The following RBBP4 variants were observed in gnomAD, a reference collection of about 807,000 sequenced individuals.
RBBP4 encodes the protein RB binding protein 4, chromatin remodeling factor.
RBBP4 carries 3 observed loss-of-function variants against 57.2 expected under a neutral mutation model. That is an observed-to-expected ratio of 0.05 (90% confidence interval 0.02 to 0.14). The LOEUF is 0.14. Among genes scored for constraint, RBBP4 ranks in the 10% least tolerant of loss-of-function variants. RBBP4 has a pLI of 1.00. For synonymous variants in RBBP4, 151 were observed against 171.5 expected, an observed-to-expected ratio of 0.88 and a Z score of 0.93; for missense variants, 107 against 520.6, an observed-to-expected ratio of 0.21 and a Z score of 7.73.
intron 11 of RBBP4, among the ~76,000 whole-genome samples, chr1:32,673,149 C>T (rs1648945024): frequency 6.6e-6 from 1 of 152,116 alleles, no homozygotes; most frequent in Non-Finnish European, 1.5e-5. Flanking sequence ...CCCTCTCCTC[C>T]TTCTTTCTTT....
chr1:32,651,509 G>T (rs901184684), intron 1 of RBBP4, 187 bp downstream of exon 1: 2 of 1,338,962 alleles, frequency 1.5e-6, no homozygotes, highest in African/African-American at 1.5e-5. Context: ...GATTTCGGTC[G>T]CAGCTGGCGA....
chr1:32,651,625 G>A, intron 1 of RBBP4: 1 of 818,202 alleles, frequency 1.2e-6, no homozygotes, highest in Non-Finnish European at 1.8e-6. Context: ...TACCCACAAG[G>A]CTCGGAGCTC....
rs1649316180 is a variant in RBBP4 at position 32,679,924 on chromosome 1, A to T, written c.*219A>T. On this transcript the variant is annotated 3_prime_UTR_variant, in exon 12 of 12. Coordinates refer to ENST00000373493, the MANE Select transcript of RBBP4 (RefSeq NM_005610.3). ...ACTTAACGTTGAAATTTTCTTCAGGAATTTTCTAGTAACCCAGGTCTAAAG... is the reference window on the plus strand; with the variant it reads ...ACTTAACGTTGAAATTTTCTTCAGGTATTTTCTAGTAACCCAGGTCTAAAG... 2.3e-6 allele frequency: 3 copies of T among 1,293,612 alleles called. No homozygotes were observed. Among genetic ancestry groups the T allele is most frequent in the Non-Finnish European group, 2.9e-6 (3 of 1,023,960 alleles). 80.1% of individuals were successfully genotyped at this position (1,293,612 alleles called of 1,614,324 possible). A position where few individuals can be genotyped will look rare whatever the true frequency, so the allele number is the denominator to read the frequency against.
chr1:32,655,475 C>T (rs1424605772), intron 2 of RBBP4, among the ~76,000 whole-genome samples: 2 of 152,206 alleles, frequency 1.3e-5, no homozygotes, highest in Non-Finnish European at 2.9e-5. Context: ...CTTCTACATA[C>T]AGGTAATTCC....
chr1:32,680,358 T>TGG lies in RBBP4; in HGVS notation c.*653_*654insGG. 8.3e-6 allele frequency: 1 copy of TGG among 120,822 alleles called. No homozygotes were observed. Among genetic ancestry groups the TGG allele is most frequent in the African/African-American group, 4.6e-5 (1 of 21,778 alleles). The allele number at this position is 120,822 out of a possible 1,614,324, so 7.5% of individuals were successfully genotyped here. ...ATGGTGTTTTTTTTTTTGTTGTTGG[T>TGG]TTTTTTTTTTTTTTTTTTAACTTGG... On this transcript the variant is annotated 3_prime_UTR_variant, in exon 12 of 12. Transcript: ENST00000373493.
chr1:32,684,246 G>A lies in RBBP4; in HGVS notation c.*4541G>A. 1 of 1,614,120 alleles carries A rather than the reference G, an allele frequency of 6.2e-7. No individual in the cohort carries two copies. The highest frequency in any genetic ancestry group is 1.1e-5 in the South Asian group (1 of 91,084). On this transcript the variant is annotated 3_prime_UTR_variant, in exon 12 of 12. Transcript: ENST00000373493. ...AGTATTAGATGAGATTTGTATAGCA[G>A]CAGAAACTGACTTATAAGTAGAGAG...
intron 2 of RBBP4, among the ~76,000 whole-genome samples, chr1:32,654,305 G>A (rs1218014930): frequency 6.6e-6 from 1 of 152,136 alleles, no homozygotes; most frequent in Non-Finnish European, 1.5e-5. Context: ...TGAGCCTTGG[G>A]AGGTCAAGGC....
In RBBP4 at chr1:32,681,809, GT is replaced by G; in HGVS notation, c.*2110del. The G allele has an allele frequency of 6.2e-7, 1 of 1,614,118 alleles. No individual in the cohort carries two copies. The highest frequency in any genetic ancestry group is 8.5e-7 in the Non-Finnish European group (1 of 1,180,014). On this transcript the variant is annotated 3_prime_UTR_variant, in exon 12 of 12. Transcript: ENST00000373493. Reference sequence around the variant, plus strand: ...GTACTTAGTGATCCTTTGCTAAGAAGTTTTTTGCTGTTTCCGGGTTACAGAT... The same window carrying G: ...GTACTTAGTGATCCTTTGCTAAGAAGTTTTTGCTGTTTCCGGGTTACAGAT...
At position 32,652,050 on chromosome 1, in the gene RBBP4, A is replaced by G. The variant is rs1264685307; in HGVS notation, c.153A>G (p.Pro51=). 1.9e-6 allele frequency: 3 copies of G among 1,613,450 alleles called. No homozygotes were observed. The highest frequency in any genetic ancestry group is 2.2e-5 in the South Asian group (2 of 91,038). Residue 51 remains proline (P), a synonymous_variant, in exon 2 of 12, where the codon CCA becomes CCG. Transcript: ENST00000373493. ...EWPSLTAQWL[P]DVTRPEGKDF... Reference sequence around the variant, plus strand: ...CCAGCCTAACTGCCCAGTGGCTTCCAGATGTAACCAGGTGACATGACTCTC... The same window carrying G: ...CCAGCCTAACTGCCCAGTGGCTTCCGGATGTAACCAGGTGACATGACTCTC...
chr1:32,655,024 T>C (rs630546), intron 2 of RBBP4, among the ~76,000 whole-genome samples: 148,068 of 152,136 alleles, frequency 0.97, 72,183 homozygotes, highest in East Asian at 1. Flanking sequence ...GGATCTTGCT[T>C]TGTTGCCCAG....
intron 11 of RBBP4, among the ~76,000 whole-genome samples, chr1:32,676,635 GA>G (rs375693965): frequency 1.7e-4 from 1 of 5,728 alleles, no homozygotes. Flanking sequence ...AAAAGAAAAA[GA>G]AAAGCTGTTT....
At chr1:32,678,456 A>G (rs1488324891) in intron 11 of RBBP4, among the ~76,000 whole-genome samples, 2 of 150,326 alleles carry the variant, frequency 1.3e-5, no homozygotes, top group African/African-American at 4.9e-5. Flanking sequence ...CGAACTCCTG[A>G]CCTCAGGTGA....
At chr1:32,662,644 G>A (rs1379962399) in intron 3 of RBBP4, among the ~76,000 whole-genome samples, 1 of 152,030 alleles carries the variant, frequency 6.6e-6, no homozygotes, top group Non-Finnish European at 1.5e-5. Context: ...AAAGTGCTGG[G>A]ATTATAGGCG....
chr1:32,661,301 C>CTTTT lies in RBBP4; in HGVS notation c.310+3729_310+3730insTTTT, dbSNP rs370489912. ...TTGAATGGTAGTTCTATTTTTAGTT[C>CTTTT]CTTTTTTTTTTTTTTTGAGATGGAG... On this transcript the variant is annotated intron_variant, in intron 3 of 11. Coordinates refer to ENST00000373493, the MANE Select transcript of RBBP4 (RefSeq NM_005610.3). Among the ~76,000 whole-genome samples, 116 of 132,094 alleles carry CTTTT rather than the reference C, an allele frequency of 8.8e-4. 28 individuals are homozygous for CTTTT. The highest frequency in any genetic ancestry group is 1.1e-3 in the Non-Finnish European group (71 of 64,944). The allele number at this position is 132,094 out of a possible 152,430, so 86.7% of individuals were successfully genotyped here.
intron 11 of RBBP4, among the ~76,000 whole-genome samples, chr1:32,674,407 A>G (rs1216415124): frequency 1.3e-5 from 2 of 151,914 alleles, no homozygotes; most frequent in Non-Finnish European, 2.9e-5. Context: ...TTAATTTTTA[A>G]AATTTTTTGT....
intron 11 of RBBP4, among the ~76,000 whole-genome samples, chr1:32,678,817 T>C (rs1649243590): frequency 1.3e-5 from 2 of 151,228 alleles, no homozygotes; most frequent in African/African-American, 4.9e-5. Context: ...CTCAAACTCA[T>C]GACCTCAAGT....
Position 32,679,666 on chromosome 1 carries a change from C to T in RBBP4, c.1239C>T (p.Asp413=), listed in dbSNP as rs1422892280. 2 of 1,601,216 alleles carry T rather than the reference C, an allele frequency of 1.2e-6. No homozygotes were observed. Among genetic ancestry groups the T allele is most frequent in the Non-Finnish European group, 1.7e-6 (2 of 1,175,950 alleles). Residue 413 remains aspartate, a synonymous_variant, in exon 12 of 12, where the codon GAC becomes GAT. Transcript: ENST00000373493. ...QMAENIYNDE[D]PEGSVDPEGQ... ...CAGAGAACATTTATAATGATGAAGA[C>T]CCTGAAGGAAGCGTGGATCCAGAAG... is the stretch of plus-strand genomic sequence containing the variant.
In RBBP4 at chr1:32,686,152, T is replaced by C. The variant is rs1649816620; in HGVS notation, c.*6447T>C. The C allele has an allele frequency of 1.3e-5, 2 of 152,212 alleles. No individual in the cohort carries two copies. The highest frequency in any genetic ancestry group is 4.8e-5 in the African/African-American group (2 of 41,450). The allele number at this position is 152,212 out of a possible 1,614,324, so 9.4% of individuals were successfully genotyped here. A position where few individuals can be genotyped will look rare whatever the true frequency, so the allele number is the denominator to read the frequency against. Reference sequence around the variant, plus strand: ...AAAATGTAAAATATGTCAAAAATATTTGATACTGATTACATGTTGAAATAT... The same window carrying C: ...AAAATGTAAAATATGTCAAAAATATCTGATACTGATTACATGTTGAAATAT... On this transcript the variant is annotated 3_prime_UTR_variant, in exon 12 of 12. Transcript: ENST00000373493.
chr1:32,677,611 A>T (rs1029320550), intron 11 of RBBP4, among the ~76,000 whole-genome samples: 1 of 152,182 alleles, frequency 6.6e-6, no homozygotes, highest in Non-Finnish European at 1.5e-5. Flanking sequence ...AGTGGGATAG[A>T]AGTGTGCAGG....
Sources: allele counts gnomAD v4.1 joint callset (sites outside exome capture counted in the v4.1 genomes callset), GRCh38; gene constraint gnomAD v4.1.1; transcripts MANE v1.5; gene names NCBI Gene and HGNC (gene_info 2026-07-23, HGNC 2026-07-21).